UBR2: variants seen among roughly 807,000 people sequenced by gnomAD.
UBR2 encodes E3 ubiquitin-protein ligase UBR2.
UBR2 carries 92 observed loss-of-function variants against 247.9 expected under a neutral mutation model. That is an observed-to-expected ratio of 0.37 (90% CI 0.31 to 0.44). The LOEUF (loss-of-function observed/expected upper bound fraction) is 0.44. Ranked by LOEUF, UBR2 falls within the 20% of genes least tolerant of loss-of-function variation. The probability of loss-of-function intolerance (pLI) is 1.00; values close to 1 mark genes in which losing one functional copy is unlikely to be tolerated. For missense variants in UBR2, 1,613 were observed against 2,112.6 expected, an observed-to-expected ratio of 0.76 and a Z score of 4.64; for synonymous variants, 672 against 693.5, an observed-to-expected ratio of 0.97 and a Z score of 0.49.
At chr6:42,586,034 C>A (rs1295565973) in intron 2 of UBR2, among the ~76,000 whole-genome samples, 1 of 152,074 alleles carries the variant, frequency 6.6e-6, no homozygotes, top group Non-Finnish European at 1.5e-5. Flanking sequence ...AACAAAATTA[C>A]ACATTCTGTA....
In UBR2 at chr6:42,659,854, A is replaced by G; in HGVS notation, c.3441A>G (p.Pro1147=). Residue 1147 remains proline (P), a splice_region_variant and synonymous_variant, in exon 30 of 47, where the codon CCA becomes CCG. Coordinates refer to ENST00000372901, the MANE Select transcript of UBR2 (RefSeq NM_001363705.2). This position sits in a 1 kb window ranked among gnomAD's most constrained non-coding sequence, Gnocchi z 4.3. Reference sequence around the variant, plus strand: ...ACAGAAGTAAATTTATTCAAGATCCAGGTAAGTCATAGCTAGATCCTCATC... The same window carrying G: ...ACAGAAGTAAATTTATTCAAGATCCGGGTAAGTCATAGCTAGATCCTCATC... ...SKNRSKFIQD[P]EKYDPLFMHP... 6.2e-7 allele frequency: 1 copy of G among 1,613,814 alleles called. No individual in the cohort carries two copies. The highest frequency in any genetic ancestry group is 1.1e-5 in the South Asian group (1 of 91,080).
Position 42,659,563 on chromosome 6 carries a change from T to A in UBR2, c.3243-93T>A, listed in dbSNP as rs1252005377. The A allele has an allele frequency of 4.2e-5, 25 of 596,196 alleles. No individual in the cohort carries two copies. The highest frequency in any genetic ancestry group is 5.2e-5 in the Non-Finnish European group (19 of 366,438). 36.9% of individuals were successfully genotyped at this position (596,196 alleles called of 1,614,324 possible). A position where few individuals can be genotyped will look rare whatever the true frequency, so the allele number is the denominator to read the frequency against. Reference sequence around the variant, plus strand: ...CACACACACACACACACACACACACTACACACACACACACATACCTGTAGT... The same window carrying A: ...CACACACACACACACACACACACACAACACACACACACACATACCTGTAGT... On this transcript the variant is annotated intron_variant, in intron 29 of 46. Coordinates refer to ENST00000372901, the MANE Select transcript of UBR2 (RefSeq NM_001363705.2). This position sits in a 1 kb window ranked among gnomAD's most constrained non-coding sequence, Gnocchi z 4.3.
rs1562312273 is a variant in UBR2, at chr6:42,614,426, A to ACG, written c.986-645_986-644insCG. Among the ~76,000 whole-genome samples, 1,205 of 148,450 alleles carry ACG rather than the reference A, an allele frequency of 8.1e-3. 105 individuals carry two copies. The highest frequency in any genetic ancestry group is 0.029 in the African/African-American group (1,158 of 40,114). ...TACGTATGTATGTACGTACGTACAT[A>ACG]TATATGTATGTACGTACATATATAT... is the stretch of plus-strand genomic sequence containing the variant. On this transcript the variant is annotated intron_variant, in intron 8 of 46. Transcript: ENST00000372901.
chr6:42,668,813 G>A (rs112237026), intron 34 of UBR2, among the ~76,000 whole-genome samples: 2,438 of 152,224 alleles, frequency 0.016, 59 homozygotes, highest in African/African-American at 0.056. Context: ...GGGCTCAAGC[G>A]ATCCTCCCGC....
At chr6:42,574,040 C>G (rs776615000) in intron 2 of UBR2, 47 bp downstream of exon 2, 1 of 1,466,636 alleles carries the variant, frequency 6.8e-7, no homozygotes, top group Non-Finnish European at 9.0e-7. Flanking sequence ...TTTTATTTGA[C>G]CTCTTTTTTT....
chr6:42,631,889 T>TATATAA (rs1554254807), intron 11 of UBR2, among the ~76,000 whole-genome samples: 1 of 134,816 alleles, frequency 7.4e-6, no homozygotes, highest in Non-Finnish European at 1.6e-5. Flanking sequence ...TATATATATA[T>TATATAA]AAATACAGGT....
chr6:42,687,944 T>C (rs1021561471), intron 44 of UBR2, among the ~76,000 whole-genome samples: 4 of 151,080 alleles, frequency 2.6e-5, no homozygotes, highest in African/African-American at 9.8e-5. Context: ...ATGGCAGTGG[T>C]ACCGTTTATC....
At chr6:42,577,352 T>C (rs1170122110) in intron 2 of UBR2, among the ~76,000 whole-genome samples, 1 of 152,168 alleles carries the variant, frequency 6.6e-6, no homozygotes, top group East Asian at 1.9e-4. Context: ...AGTTTTGCTA[T>C]GGGGAGTTAT....
chr6:42,564,425 T>C, intron 1 of UBR2, 28 bp downstream of exon 1: 1 of 1,599,558 alleles, frequency 6.3e-7, no homozygotes, highest in Non-Finnish European at 8.5e-7. Flanking sequence ...GGCGGGTGCG[T>C]CTGCCCCTCG....
Position 42,691,240 on chromosome 6 carries a change from A to T in UBR2, c.*67A>T. 3 of 1,576,494 alleles carry T rather than the reference A, an allele frequency of 1.9e-6. No homozygotes were observed. Among genetic ancestry groups the T allele is most frequent in the Non-Finnish European group, 2.6e-6 (3 of 1,163,684 alleles). On this transcript the variant is annotated 3_prime_UTR_variant, in exon 47 of 47. Transcript: ENST00000372901. ...CCAGTTGGCTTTTTAAGAAAGAAAG[A>T]AGTTCTGCTGAATTTGGAAATAAAT...
chr6:42,649,889 C>A (rs1797010934), intron 22 of UBR2, among the ~76,000 whole-genome samples: 1 of 152,154 alleles, frequency 6.6e-6, no homozygotes, highest in African/African-American at 2.4e-5. Flanking sequence ...GTTCTCTAAA[C>A]CCCAATAGTG....
At chr6:42,674,487 G>A (rs1197185568) in intron 38 of UBR2, among the ~76,000 whole-genome samples, 1 of 152,170 alleles carries the variant, frequency 6.6e-6, no homozygotes, top group East Asian at 1.9e-4. Context: ...CAACGGGTCA[G>A]GTGTGGTGAC....
intron 11 of UBR2, among the ~76,000 whole-genome samples, chr6:42,632,067 A>ATATATAT (rs60620486): frequency 1.0e-3 from 83 of 80,384 alleles, no homozygotes; most frequent in African/African-American, 4.3e-3. Flanking sequence ...AAAAAAAAAA[A>ATATATAT]AAATATATAT....
Position 42,655,648 on chromosome 6 carries a change from C to G in UBR2, c.2797C>G (p.Gln933Glu). The G allele has an allele frequency of 6.4e-7, 1 of 1,555,624 alleles. No homozygotes were observed. The highest frequency in any genetic ancestry group is 8.6e-7 in the Non-Finnish European group (1 of 1,162,072). ...RVLHLIGMAL[Q>E]EEKQHLENVT... ...GTTACATTTAATTGGCATGGCACTA[C>G]AAGAAGAAAAACAACATTTAGAGAA... Residue 933 changes from glutamine (Q) to glutamate (E), a missense_variant, in exon 26 of 47, where the codon CAA becomes GAA. Gln to Glu is a conservative substitution (Grantham distance 29, BLOSUM62 2). Around this residue, in one of 3 missense-constraint regions of UBR2, gnomAD observed 1,524 missense variants for 1,967.3 expected, o/e 0.77. Transcript: ENST00000372901.
At chr6:42,628,433 C>G (rs922090397) in intron 11 of UBR2, among the ~76,000 whole-genome samples, 1 of 147,774 alleles carries the variant, frequency 6.8e-6, no homozygotes, top group Non-Finnish European at 1.5e-5. Context: ...GGTCAAGACC[C>G]AGTACTGGCC....
chr6:42,564,934 T>C (rs1415273555), intron 1 of UBR2, among the ~76,000 whole-genome samples: 2 of 149,312 alleles, frequency 1.3e-5, no homozygotes, highest in Non-Finnish European at 3.0e-5. Flanking sequence ...AGTGCTATCT[T>C]TTTTTTTTGC....
At position 42,564,222 on chromosome 6, in the gene UBR2, G is replaced by T. The variant is rs1790640438; in HGVS notation, c.-98G>T. 10 of 1,403,956 alleles carry T rather than the reference G, an allele frequency of 7.1e-6. No homozygotes were observed. Among genetic ancestry groups the T allele is most frequent in the Non-Finnish European group, 9.8e-6 (10 of 1,019,452 alleles). The allele number at this position is 1,403,956 out of a possible 1,614,324, so 87.0% of individuals were successfully genotyped here. A position where few individuals can be genotyped will look rare whatever the true frequency, so the allele number is the denominator to read the frequency against. ...CAGCCACTTGGACGGCTCCGGGACT[G>T]ATTGCCTGGGGCAGGGGTGGCAGTC... On this transcript the variant is annotated 5_prime_UTR_variant, in exon 1 of 47. Transcript: ENST00000372901.
At chr6:42,688,171 G>T in intron 44 of UBR2, 45 bp from the exon 45 acceptor site, 1 of 1,613,444 alleles carries the variant, frequency 6.2e-7, no homozygotes, top group Non-Finnish European at 8.5e-7. Flanking sequence ...TAGCTCTTTA[G>T]CCACTCTTTA....
Position 42,689,446 on chromosome 6 carries a change from G to T in UBR2, c.5025-123G>T. The T allele has an allele frequency of 1.0e-6, 1 of 957,572 alleles. No individual in the cohort carries two copies. The highest frequency in any genetic ancestry group is 1.6e-6 in the Non-Finnish European group (1 of 613,842). The allele number at this position is 957,572 out of a possible 1,614,324, so 59.3% of individuals were successfully genotyped here. On this transcript the variant is annotated intron_variant, in intron 45 of 46. Transcript: ENST00000372901. This position sits in a 1 kb window ranked among gnomAD's most constrained non-coding sequence, Gnocchi z 4.0. Reference sequence around the variant, plus strand: ...CCTAGTTTGTGCACAATTTTTTAATGGATAACTTCCTCCTAATAGTGGTTT... The same window carrying T: ...CCTAGTTTGTGCACAATTTTTTAATTGATAACTTCCTCCTAATAGTGGTTT...
Sources: gnomAD v4.1 joint callset for allele counts (sites outside exome capture counted in the v4.1 genomes callset) on GRCh38, gnomAD v4.1.1 for gene constraint, gnomAD v4.1.1 regional missense constraint, Gnocchi (gnomAD v3.1) non-coding constraint, MANE v1.5 for transcripts, NCBI Gene and HGNC (gene_info 2026-07-23, HGNC 2026-07-21) for gene names.